WAPL: variants seen among roughly 807,000 people sequenced by gnomAD.
WAPL encodes WAPL cohesin release factor.
In WAPL, 5 loss-of-function variants were observed where a neutral mutation model predicts 121.0. The observed-to-expected ratio is 0.04, with a 90% CI of 0.02 to 0.09. WAPL has a LOEUF of 0.09. WAPL is among the 10% of genes least tolerant of loss of function. The probability of loss-of-function intolerance (pLI) is 1.00; values close to 1 mark genes in which losing one functional copy is unlikely to be tolerated. For synonymous variants in WAPL, 480 were observed against 481.5 expected, an observed-to-expected ratio of 1.00 and a Z score of 0.04; for missense variants, 999 against 1,410.8, an observed-to-expected ratio of 0.71 and a Z score of 4.68.
chr10:86,517,521 T>C (rs1048102064), intron 2 of WAPL, 50 bp downstream of exon 2: 17 of 1,527,042 alleles, frequency 1.1e-5, no homozygotes, highest in Admixed American at 8.6e-5. Context: ...TTTAAATAAA[T>C]TGGTTGCACA....
rs958160110 is a variant in WAPL at position 86,446,579 on chromosome 10, G to A, written c.3115-130C>T. On this transcript the variant is annotated intron_variant, in intron 15 of 18. Coordinates refer to ENST00000298767, the MANE Select transcript of WAPL (RefSeq NM_015045.5). ...AGATGGTTATGTGATAAAAAGAGGT[G>A]AGTATAAGTAAAAGCTTTTGCTCTA... The A allele has an allele frequency of 3.8e-6, 4 of 1,055,354 alleles. No individual in the cohort carries two copies. In the South Asian group the frequency reaches 5.1e-5, roughly 13 times the overall value. 65.4% of individuals were successfully genotyped at this position (1,055,354 alleles called of 1,614,324 possible). A position where few individuals can be genotyped will look rare whatever the true frequency, so the allele number is the denominator to read the frequency against.
chr10:86,483,421 C>CA (rs1055554857), intron 4 of WAPL, among the ~76,000 whole-genome samples: 159 of 126,478 alleles, frequency 1.3e-3, no homozygotes, highest in East Asian at 5.7e-3. Context: ...AACTCCATCT[C>CA]AAAAAAAAAA....
In WAPL at chr10:86,436,202, A is replaced by ATG. The variant is rs1849317112; in HGVS notation, c.*1340_*1341insCA. ...TTGTCACTTTATACAAGGAAATAAC[A>ATG]AAGTCTAAATGGGTAAAAATTAGAC... On this transcript the variant is annotated 3_prime_UTR_variant, in exon 19 of 19. Coordinates refer to ENST00000298767, the MANE Select transcript of WAPL (RefSeq NM_015045.5). 1.3e-5 allele frequency: 2 copies of ATG among 152,680 alleles called. No individual in the cohort carries two copies. Among genetic ancestry groups the ATG allele is most frequent in the Non-Finnish European group, 2.9e-5 (2 of 68,046 alleles). The allele number at this position is 152,680 out of a possible 1,614,324, so 9.5% of individuals were successfully genotyped here. A position where few individuals can be genotyped will look rare whatever the true frequency, so the allele number is the denominator to read the frequency against.
intron 2 of WAPL, among the ~76,000 whole-genome samples, chr10:86,511,322 T>C (rs1842459546): frequency 6.6e-6 from 1 of 152,044 alleles, no homozygotes; most frequent in South Asian, 2.1e-4. Flanking sequence ...AAGCAGAAAA[T>C]TACTTGAACA....
chr10:86,516,272 C>A (rs938780742), intron 2 of WAPL, among the ~76,000 whole-genome samples: 1 of 152,138 alleles, frequency 6.6e-6, no homozygotes, highest in Non-Finnish European at 1.5e-5. Flanking sequence ...AGAATTAACC[C>A]TGAGGATCAA....
chr10:86,509,954 C>T (rs1349032715), intron 2 of WAPL, among the ~76,000 whole-genome samples: 2 of 151,354 alleles, frequency 1.3e-5, no homozygotes, highest in African/African-American at 2.4e-5. Context: ...TTAGTAAAGA[C>T]CGGGTTTTAC....
At chr10:86,520,909 C>T (rs774627516) in intron 1 of WAPL, among the ~76,000 whole-genome samples, 1 of 152,146 alleles carries the variant, frequency 6.6e-6, no homozygotes, top group Admixed American at 6.5e-5. Context: ...AACCAGAAAT[C>T]CTCACCTGGG....
intron 5 of WAPL, among the ~76,000 whole-genome samples, chr10:86,473,050 G>A (rs181225405): frequency 1.3e-5 from 2 of 152,004 alleles, no homozygotes; most frequent in African/African-American, 4.8e-5. Context: ...CCATTAGAAA[G>A]ACTAAAGAAC....
intron 17 of WAPL, among the ~76,000 whole-genome samples, chr10:86,440,825 T>C (rs2132162743): frequency 6.9e-6 from 1 of 144,048 alleles, no homozygotes; most frequent in East Asian, 2.0e-4. Flanking sequence ...ATGTTAAGTA[T>C]GGAAGAGATG....
chr10:86,454,385 A>C (rs895404625), intron 12 of WAPL, among the ~76,000 whole-genome samples: 1 of 151,236 alleles, frequency 6.6e-6, no homozygotes, highest in Non-Finnish European at 1.5e-5. Context: ...TCCCTCCACA[A>C]TCTCCCTCTC....
chr10:86,480,170 A>G (rs1255841629), intron 4 of WAPL, among the ~76,000 whole-genome samples: 3 of 152,236 alleles, frequency 2.0e-5, no homozygotes, highest in Admixed American at 6.5e-5. Flanking sequence ...ATAAAGCTGC[A>G]AAGTCTTTCT....
At chr10:86,464,350 A>C (rs1393637395) in intron 9 of WAPL, among the ~76,000 whole-genome samples, 1 of 152,238 alleles carries the variant, frequency 6.6e-6, no homozygotes, top group Non-Finnish European at 1.5e-5. Context: ...ACAAAACATA[A>C]GACAAATTCA....
At chr10:86,481,418 G>A (rs1046820887) in intron 4 of WAPL, among the ~76,000 whole-genome samples, 3 of 150,478 alleles carry the variant, frequency 2.0e-5, no homozygotes, top group African/African-American at 7.5e-5. Flanking sequence ...TTGTTGCCCA[G>A]GCTGGAGTGC....
intron 8 of WAPL, among the ~76,000 whole-genome samples, chr10:86,468,368 T>G (rs1841451009): frequency 6.6e-6 from 1 of 151,950 alleles, no homozygotes; most frequent in Non-Finnish European, 1.5e-5. Flanking sequence ...CAGCTGATAT[T>G]TTTGTATTTT....
intron 4 of WAPL, among the ~76,000 whole-genome samples, chr10:86,481,358 A>G (rs1248084122): frequency 1.3e-5 from 2 of 152,102 alleles, no homozygotes; most frequent in Non-Finnish European, 2.9e-5. Flanking sequence ...TATAGATGCT[A>G]CTTTTTATGT....
At chr10:86,446,835 A>G (rs1344193066) in intron 15 of WAPL, among the ~76,000 whole-genome samples, 1 of 152,252 alleles carries the variant, frequency 6.6e-6, no homozygotes, top group African/African-American at 2.4e-5. Context: ...ACACATAGAA[A>G]AAACACTGAC....
At chr10:86,474,312 G>A (rs1404869406) in intron 4 of WAPL, among the ~76,000 whole-genome samples, 1 of 151,574 alleles carries the variant, frequency 6.6e-6, no homozygotes, top group Non-Finnish European at 1.5e-5. Context: ...TCAGGAGTTT[G>A]AGACGAGCCT....
At position 86,437,377 on chromosome 10, in the gene WAPL, A is replaced by G. The variant is rs969050312; in HGVS notation, c.*166T>C. 4.9e-6 allele frequency: 3 copies of G among 613,192 alleles called. No individual in the cohort carries two copies. Among genetic ancestry groups the G allele is most frequent in the African/African-American group, 3.8e-5 (2 of 52,792 alleles). The allele number at this position is 613,192 out of a possible 1,614,324, so 38.0% of individuals were successfully genotyped here. ...TTGATGTAGTAACTGTCATTTAGCAAATGCCGAATGCATGACGAAGAAATC... is the reference window on the plus strand; with the variant it reads ...TTGATGTAGTAACTGTCATTTAGCAGATGCCGAATGCATGACGAAGAAATC... On this transcript the variant is annotated 3_prime_UTR_variant, in exon 19 of 19. Transcript: ENST00000298767.
chr10:86,450,269 T>G (rs181094741), intron 15 of WAPL, among the ~76,000 whole-genome samples: 133 of 152,318 alleles, frequency 8.7e-4, no homozygotes, highest in Middle Eastern at 3.4e-3. Context: ...AGGGTCTCAC[T>G]CTGTTGCCCA....
Sources: gnomAD v4.1 joint callset for allele counts (sites outside exome capture counted in the v4.1 genomes callset) on GRCh38, gnomAD v4.1.1 for gene constraint, MANE v1.5 for transcripts, NCBI Gene and HGNC (gene_info 2026-07-23, HGNC 2026-07-21) for gene names.